ADAR: variants seen among roughly 807,000 people sequenced by gnomAD.
ADAR encodes the protein adenosine deaminase RNA specific.
In ADAR, 41 loss-of-function variants were observed where a neutral mutation model predicts 113.2. The ratio of observed to expected loss-of-function variants is 0.36; its 90% CI spans 0.28 to 0.47. The LOEUF (loss-of-function observed/expected upper bound fraction) is 0.47. ADAR is among the 20% of genes least tolerant of loss of function. The pLI, the probability that ADAR is intolerant of heterozygous loss-of-function variation, is 1.00. For synonymous variants in ADAR, 605 were observed against 572.6 expected, an observed-to-expected ratio of 1.06 and a Z score of -0.81; for missense variants, 1,242 against 1,540.9, an observed-to-expected ratio of 0.81 and a Z score of 3.25.
At chr1:154,606,231 G>C (rs1205712830) in intron 1 of ADAR, among the ~76,000 whole-genome samples, 6 of 152,146 alleles carry the variant, frequency 3.9e-5, no homozygotes, top group Non-Finnish European at 8.8e-5. Context: ...TAGTAGAGAT[G>C]GGGTTTCACC....
chr1:154,587,830 TA>T (rs967791149), intron 11 of ADAR, among the ~76,000 whole-genome samples: 4 of 152,274 alleles, frequency 2.6e-5, no homozygotes, highest in African/African-American at 9.6e-5. Context: ...GAAGACCCTA[TA>T]GGGGGATGAC....
chr1:154,598,558 G>C lies in ADAR; in HGVS notation c.1629C>G (p.Gly543=). The C allele has an allele frequency of 1.2e-6, 2 of 1,614,182 alleles. No individual in the cohort carries two copies. Among genetic ancestry groups the C allele is most frequent in the African/African-American group, 1.3e-5 (1 of 75,028 alleles). Residue 543 remains glycine, a synonymous_variant, in exon 3 of 15, where the codon GGC becomes GGG. Transcript: ENST00000368474. ...PRFKFQVVIN[G]REFPPAEAGS... ...CAGCTTCAGCTGGGGGAAACTCTCG[G>C]CCATTGATGACAACCTGGAATTTAA...
At chr1:154,587,542 G>GT (rs1327526779) in intron 11 of ADAR, among the ~76,000 whole-genome samples, 1 of 152,136 alleles carries the variant, frequency 6.6e-6, no homozygotes, top group East Asian at 1.9e-4. Flanking sequence ...CATGGTAACT[G>GT]TGTCTATACT....
At chr1:154,615,477 A>T (rs1339903347) in intron 1 of ADAR, among the ~76,000 whole-genome samples, 1 of 152,162 alleles carries the variant, frequency 6.6e-6, no homozygotes, top group Non-Finnish European at 1.5e-5. Context: ...TGGTACAGTC[A>T]TGTCTCACTG....
At chr1:154,595,793 G>T (rs1697453972) in intron 6 of ADAR, among the ~76,000 whole-genome samples, 1 of 152,154 alleles carries the variant, frequency 6.6e-6, no homozygotes, top group Non-Finnish European at 1.5e-5. Flanking sequence ...CATGTCCTAG[G>T]CCCTCATATT....
chr1:154,589,491 A>ATTCTATTTCCAT (rs1355381354), intron 8 of ADAR, 29 bp from the exon 9 acceptor site: 1 of 1,575,460 alleles, frequency 6.3e-7, no homozygotes, highest in East Asian at 2.2e-5. Flanking sequence ...CAGAAATAGA[A>ATTCTATTTCCAT]TAATGGAAGG....
At chr1:154,585,366 G>A in intron 13 of ADAR, 22 bp from the exon 14 acceptor site, 2 of 1,613,966 alleles carry the variant, frequency 1.2e-6, no homozygotes, top group East Asian at 2.2e-5. Flanking sequence ...AGAAGCAACG[G>A]GAGAAAGATG....
intron 1 of ADAR, among the ~76,000 whole-genome samples, chr1:154,624,503 A>C (rs1222890382): frequency 1.3e-5 from 2 of 152,218 alleles, no homozygotes; most frequent in African/African-American, 4.8e-5. Context: ...CTAATAGTTC[A>C]CTATACAACT....
At chr1:154,586,477 A>C (rs760456017) in intron 11 of ADAR, 114 bp from the exon 12 acceptor site, 6 of 1,105,378 alleles carry the variant, frequency 5.4e-6, no homozygotes, top group Non-Finnish European at 8.0e-6. Flanking sequence ...CATTCTTCAC[A>C]TATTTCACAG....
intron 1 of ADAR, among the ~76,000 whole-genome samples, chr1:154,627,380 G>C (rs562363704): frequency 6.6e-6 from 1 of 152,340 alleles, no homozygotes; most frequent in South Asian, 2.1e-4. Flanking sequence ...TTATCTCTGG[G>C]ATAAAGGGCC....
upstream of ADAR, among the ~76,000 whole-genome samples, chr1:154,611,458 T>C (rs1698485148): frequency 6.6e-6 from 1 of 152,154 alleles, no homozygotes; most frequent in Admixed American, 6.5e-5. Context: ...TGTGAGGTGA[T>C]GATGTCTTTT....
chr1:154,609,474 T>C (rs78768906), upstream of ADAR, among the ~76,000 whole-genome samples: 426 of 152,298 alleles, frequency 2.8e-3, 1 homozygote, highest in Non-Finnish European at 5.2e-3. Flanking sequence ...CACTCCAAAT[T>C]AACATTCCCT....
chr1:154,599,350 C>T (rs3766924), intron 2 of ADAR, among the ~76,000 whole-genome samples: 28,018 of 152,184 alleles, frequency 0.18, 3,002 homozygotes, highest in South Asian at 0.36. Context: ...AACATGGCAC[C>T]AATGTTTCTT....
rs146176063 is a variant in ADAR, at chr1:154,619,461, C to T, written c.-871+8394G>A. On this transcript the variant is annotated intron_variant, in intron 1 of 14. Transcript: ENST00000368471. ...ATGGGAACTGTTCTGTCTGTACGAA[C>T]CAACACAGCACTGCCTGAAAGACCA... Among the ~76,000 whole-genome samples the T allele has an allele frequency of 1.6e-3, 246 of 152,290 alleles. 2 individuals are homozygous for T. The highest frequency in any genetic ancestry group is 5.8e-3 in the African/African-American group (240 of 41,548).
chr1:154,625,392 A>T (rs141590559), intron 1 of ADAR, among the ~76,000 whole-genome samples: 39 of 152,340 alleles, frequency 2.6e-4, no homozygotes, highest in African/African-American at 7.9e-4. Flanking sequence ...CAAACCACAC[A>T]GCTGGCTTCA....
chr1:154,591,011 AAG>A lies in ADAR; in HGVS notation c.2271-604_2271-603del, dbSNP rs552129936. Among the ~76,000 whole-genome samples the A allele has an allele frequency of 4.9e-4, 75 of 152,322 alleles. 1 individual carries two copies. Among genetic ancestry groups the A allele is most frequent in the African/African-American group, 1.6e-3 (66 of 41,568 alleles). On this transcript the variant is annotated intron_variant, in intron 6 of 14. Transcript: ENST00000368474. Reference sequence around the variant, plus strand: ...ATATCCGTAATACTAGGTATGAAAAAAGAGATAAAAATGTAAACACACTGAAA... The same window carrying A: ...ATATCCGTAATACTAGGTATGAAAAAAGATAAAAATGTAAACACACTGAAA...
chr1:154,589,814 C>A lies in ADAR; in HGVS notation c.2611G>T (p.Ala871Ser). 3 of 1,614,006 alleles carry A rather than the reference C, an allele frequency of 1.9e-6. No individual in the cohort carries two copies. Among genetic ancestry groups the A allele is most frequent in the Admixed American group, 1.7e-5 (1 of 60,006 alleles). ...TCAGAGTCTTTTTTCATAATGATGG[C>A]GGCCAGAATCTTGCGGCCGAGCAAG... ...PSLLGRKILAAIIMKKDSEDM... is the reference protein window; with the variant it reads ...PSLLGRKILASIIMKKDSEDM... The change falls in exon 8 of 15, where the codon GCC becomes TCC. Residue 871 changes from alanine to serine, a missense_variant. Around this residue, in one of 2 missense-constraint regions of ADAR, gnomAD observed 780 missense variants for 1,057.9 expected, o/e 0.74. Transcript: ENST00000368474.
intron 4 of ADAR, 70 bp downstream of exon 4, chr1:154,597,758 C>T: frequency 6.3e-7 from 1 of 1,599,764 alleles, no homozygotes. Context: ...CCTGAGGAGG[C>T]AAGGAAGAAA....
intron 1 of ADAR, among the ~76,000 whole-genome samples, chr1:154,624,938 G>C (rs1183356911): frequency 6.6e-6 from 1 of 152,158 alleles, no homozygotes; most frequent in Non-Finnish European, 1.5e-5. Context: ...TCATATTACA[G>C]TGTGTTATAG....
Sources: allele counts gnomAD v4.1 joint callset (sites outside exome capture counted in the v4.1 genomes callset), GRCh38; gene constraint gnomAD v4.1.1; regional missense constraint gnomAD v4.1.1; transcripts MANE v1.5; gene names NCBI Gene and HGNC (gene_info 2026-07-23, HGNC 2026-07-21).